The following MON2 variants were observed in gnomAD, a reference collection of about 807,000 sequenced individuals.
MON2 encodes the protein MON2 regulator of endosome-to-Golgi trafficking, also known as protein MON2 homolog.
In MON2, 84 loss-of-function variants were observed where a neutral mutation model predicts 208.6. The ratio of observed to expected loss-of-function variants is 0.40; its 90% CI spans 0.34 to 0.48. The LOEUF (loss-of-function observed/expected upper bound fraction) is 0.48. Among genes scored for constraint, MON2 ranks in the 20% least tolerant of loss-of-function variants. The probability of loss-of-function intolerance (pLI) is 0.59; values close to 1 mark genes in which losing one functional copy is unlikely to be tolerated. For synonymous variants in MON2, 660 were observed against 694.0 expected (o/e 0.95, Z 0.77); for missense variants, 1,611 against 2,015.4 (o/e 0.80, Z 3.84).
At chr12:62,536,528 A>G (rs897067919) in intron 14 of MON2, among the ~76,000 whole-genome samples, 1 of 152,084 alleles carries the variant, frequency 6.6e-6, no homozygotes, top group African/African-American at 2.4e-5. Flanking sequence ...TAAATTAAAA[A>G]ACATACCAGG....
chr12:62,572,951 C>G, intron 30 of MON2, among the ~76,000 whole-genome samples: 2 of 152,202 alleles, frequency 1.3e-5, no homozygotes, highest in South Asian at 4.1e-4. Flanking sequence ...ATTTTCTTTA[C>G]TATTCTAATA....
intron 20 of MON2, 117 bp downstream of exon 20, chr12:62,543,315 T>C: frequency 2.1e-6 from 1 of 487,786 alleles, no homozygotes; most frequent in Non-Finnish European, 3.5e-6. Flanking sequence ...CTTTCCTGAC[T>C]GTGTACTTAC....
chr12:62,532,648 A>G lies in MON2; in HGVS notation c.1611A>G (p.Ser537=). Residue 537 remains serine (S), a synonymous_variant, in exon 12 of 35, where the codon TCA becomes TCG. Coordinates refer to ENST00000393630, the MANE Select transcript of MON2 (RefSeq NM_015026.3). ...AACAGCAGGATTTACAGTCAACATC[A>G]GACCAAATGGATAAGGAAATTGGTA... ...STEQQDLQST[S]DQMDKEIVSR... 2 of 1,611,898 alleles carry G rather than the reference A, an allele frequency of 1.2e-6. No homozygotes were observed. Among genetic ancestry groups the G allele is most frequent in the Non-Finnish European group, 1.7e-6 (2 of 1,177,972 alleles).
chr12:62,519,600 A>G (rs1048411783), intron 8 of MON2, among the ~76,000 whole-genome samples: 3 of 152,220 alleles, frequency 2.0e-5, no homozygotes, highest in Non-Finnish European at 4.4e-5. Context: ...ACGTTTTCCA[A>G]ATGTAAATGT....
At chr12:62,529,870 TAATA>T (rs1339492142) in intron 11 of MON2, among the ~76,000 whole-genome samples, 2 of 152,216 alleles carry the variant, frequency 1.3e-5, no homozygotes, top group Non-Finnish European at 2.9e-5. Context: ...AACTGTTATG[TAATA>T]AATGTACATA....
rs766838053 is a variant in MON2 at position 62,508,528 on chromosome 12, G to T, written c.984+48G>T. ...ATTTGTGTATATAGTTGCATGTTGTGCCCTTTGTAAAAAGTGGTCTGTTGT... is the reference window on the plus strand; with the variant it reads ...ATTTGTGTATATAGTTGCATGTTGTTCCCTTTGTAAAAAGTGGTCTGTTGT... On this transcript the variant is annotated intron_variant, in intron 8 of 34. Transcript: ENST00000393630. 3.2e-6 allele frequency: 5 copies of T among 1,560,892 alleles called. No individual in the cohort carries two copies. The Admixed American group carries it at 8.4e-5, about 26-fold the overall frequency.
chr12:62,494,895 T>A, intron 3 of MON2, 121 bp from the exon 4 acceptor site: 1 of 613,474 alleles, frequency 1.6e-6, no homozygotes, highest in Non-Finnish European at 2.5e-6. Flanking sequence ...AAAATATGGG[T>A]TTTGTTATTG....
intron 11 of MON2, among the ~76,000 whole-genome samples, chr12:62,528,828 C>A (rs1414989956): frequency 6.6e-6 from 1 of 152,108 alleles, no homozygotes; most frequent in Non-Finnish European, 1.5e-5. Context: ...ATATTTATCT[C>A]CCCATTTGAG....
At chr12:62,534,247 G>C (rs962259293) in intron 12 of MON2, among the ~76,000 whole-genome samples, 4 of 151,288 alleles carry the variant, frequency 2.6e-5, no homozygotes, top group Middle Eastern at 3.4e-3. Context: ...ATGGCTGGGC[G>C]TGGTGGCTCA....
intron 7 of MON2, among the ~76,000 whole-genome samples, chr12:62,504,698 C>T (rs188264534): frequency 2.1e-4 from 32 of 152,106 alleles, no homozygotes; most frequent in Admixed American, 8.5e-4. Context: ...TTTAACTCAT[C>T]ATTCACATAT....
At chr12:62,592,357 A>G (rs1298341423) in intron 34 of MON2, among the ~76,000 whole-genome samples, 5 of 152,208 alleles carry the variant, frequency 3.3e-5, no homozygotes, top group Non-Finnish European at 7.4e-5. Context: ...GTACTTTATC[A>G]AATTTATTGT....
At chr12:62,551,263 C>T (rs1226479311) in intron 23 of MON2, among the ~76,000 whole-genome samples, 1 of 152,074 alleles carries the variant, frequency 6.6e-6, no homozygotes, top group East Asian at 1.9e-4. Context: ...GAGACAAATG[C>T]GACTCTTCCT....
chr12:62,565,803 G>C, intron 27 of MON2: 1 of 522,474 alleles, frequency 1.9e-6, no homozygotes, highest in Non-Finnish European at 3.4e-6. Context: ...GTACACTACT[G>C]GTGTGAAGTT....
chr12:62,581,389 C>G (rs1052334362), intron 32 of MON2, among the ~76,000 whole-genome samples: 1 of 151,878 alleles, frequency 6.6e-6, no homozygotes. Context: ...GCCTCTGTCT[C>G]TACAAAAGAT....
At chr12:62,580,985 A>G (rs550532506) in intron 32 of MON2, among the ~76,000 whole-genome samples, 21 of 152,324 alleles carry the variant, frequency 1.4e-4, no homozygotes, top group African/African-American at 4.6e-4. Flanking sequence ...AGTGCCAACT[A>G]TGTACAAGAT....
At chr12:62,474,353 G>C (rs1046105414) in intron 1 of MON2, among the ~76,000 whole-genome samples, 2 of 151,830 alleles carry the variant, frequency 1.3e-5, no homozygotes, top group Non-Finnish European at 2.9e-5. Context: ...CCTGACCTCA[G>C]GTGATCCGCC....
chr12:62,522,002 G>C (rs1265298415), intron 8 of MON2, among the ~76,000 whole-genome samples: 1 of 152,152 alleles, frequency 6.6e-6, no homozygotes, highest in African/African-American at 2.4e-5. Context: ...AGACCATCCT[G>C]ACCAACATGG....
intron 4 of MON2, among the ~76,000 whole-genome samples, chr12:62,498,201 ATAT>A (rs1181834190): frequency 6.6e-6 from 1 of 152,198 alleles, no homozygotes; most frequent in African/African-American, 2.4e-5. Flanking sequence ...AATTTCACAA[ATAT>A]TATTCTAAGT....
chr12:62,571,993 C>A (rs545282554), intron 30 of MON2, among the ~76,000 whole-genome samples: 1 of 152,150 alleles, frequency 6.6e-6, no homozygotes, highest in Non-Finnish European at 1.5e-5. Context: ...TTAGATTTGT[C>A]AAAGATTAAC....
Sources: allele counts gnomAD v4.1 joint callset (sites outside exome capture counted in the v4.1 genomes callset), GRCh38; gene constraint gnomAD v4.1.1; transcripts MANE v1.5; gene names NCBI Gene and HGNC (gene_info 2026-07-23, HGNC 2026-07-21).